The following DCC variants were observed in gnomAD, a reference collection of about 807,000 sequenced individuals.
The protein encoded by DCC is netrin receptor DCC.
A neutral mutation model predicts 172.5 loss-of-function variants in DCC; 58 were observed. The ratio of observed to expected loss-of-function variants is 0.34; its 90% CI spans 0.27 to 0.42. The LOEUF is 0.42. Among genes scored for constraint, DCC ranks in the 10% least tolerant of loss-of-function variants. DCC has a pLI of 1.00. For synonymous variants in DCC, 709 were observed against 644.5 expected (o/e 1.10, Z -1.52); for missense variants, 1,740 against 1,791.0 (o/e 0.97, Z 0.51).
chr18:52,567,446 T>C (rs997325447), intron 1 of DCC, among the ~76,000 whole-genome samples: 3 of 152,118 alleles, frequency 2.0e-5, no homozygotes, highest in African/African-American at 7.2e-5. Context: ...GCTGACATCC[T>C]GGCTCCATCA....
At chr18:52,824,528 CATT>C (rs766502978) in intron 2 of DCC, among the ~76,000 whole-genome samples, 9 of 151,808 alleles carry the variant, frequency 5.9e-5, no homozygotes, top group Non-Finnish European at 1.2e-4. Flanking sequence ...ACTTAAAAAT[CATT>C]AATTTCAAAA....
intron 1 of DCC, among the ~76,000 whole-genome samples, chr18:52,633,133 G>A (rs1342039866): frequency 6.6e-6 from 1 of 150,682 alleles, no homozygotes; most frequent in Non-Finnish European, 1.5e-5. Context: ...TTCCTGTCCT[G>A]TCCTGTCCTG....
chr18:53,278,002 C>T (rs7229129), intron 12 of DCC, among the ~76,000 whole-genome samples: 50,899 of 152,012 alleles, frequency 0.33, 10,107 homozygotes, highest in South Asian at 0.57. Context: ...GTATTCTGTT[C>T]ACACACAGAT....
At chr18:52,479,972 C>T (rs184926621) in intron 1 of DCC, among the ~76,000 whole-genome samples, 35 of 152,162 alleles carry the variant, frequency 2.3e-4, no homozygotes, top group African/African-American at 7.5e-4. Context: ...TAAGTAAATG[C>T]TAACATTTAT....
intron 1 of DCC, among the ~76,000 whole-genome samples, chr18:52,426,136 C>A (rs1987416493): frequency 6.6e-6 from 1 of 152,020 alleles, no homozygotes; most frequent in African/African-American, 2.4e-5. Context: ...AAACAGCTTT[C>A]AACAAGCAGC....
chr18:52,481,120 T>C (rs1241695365), intron 1 of DCC, among the ~76,000 whole-genome samples: 3 of 152,164 alleles, frequency 2.0e-5, no homozygotes, highest in African/African-American at 4.8e-5. Flanking sequence ...AAAGCAAACA[T>C]ACTTATTGAG....
chr18:52,728,165 T>C (rs186059551), intron 1 of DCC, among the ~76,000 whole-genome samples: 7 of 148,166 alleles, frequency 4.7e-5, no homozygotes, highest in East Asian at 4.1e-4. Flanking sequence ...ATTATGATTG[T>C]GGGCCCCGTC....
At chr18:52,872,971 G>C (rs534021110) in intron 2 of DCC, among the ~76,000 whole-genome samples, 2 of 152,070 alleles carry the variant, frequency 1.3e-5, no homozygotes, top group Non-Finnish European at 2.9e-5. Flanking sequence ...ATGAAAAAAG[G>C]CTTTTAGAAA....
intron 8 of DCC, among the ~76,000 whole-genome samples, chr18:53,174,786 A>G (rs1485598523): frequency 6.0e-5 from 9 of 151,160 alleles, no homozygotes; most frequent in Non-Finnish European, 1.0e-4. Context: ...AAACTATTCC[A>G]ATCAATAGAA....
intron 1 of DCC, among the ~76,000 whole-genome samples, chr18:52,585,392 A>G (rs529377725): frequency 1.4e-4 from 22 of 152,364 alleles, no homozygotes; most frequent in African/African-American, 5.0e-4. Flanking sequence ...ACTCACATAC[A>G]TAAGACAGAT....
chr18:53,198,242 T>C (rs578016174), intron 9 of DCC, among the ~76,000 whole-genome samples: 2 of 152,248 alleles, frequency 1.3e-5, no homozygotes, highest in East Asian at 3.9e-4. Flanking sequence ...TCAGATACAA[T>C]GATAGAAGCT....
intron 1 of DCC, among the ~76,000 whole-genome samples, chr18:52,423,708 T>C (rs1181084643): frequency 6.6e-6 from 1 of 152,162 alleles, no homozygotes; most frequent in Non-Finnish European, 1.5e-5. Context: ...TTGTGGTTTA[T>C]GGCATTGATG....
intron 13 of DCC, among the ~76,000 whole-genome samples, chr18:53,314,183 G>A (rs2057317574): frequency 6.6e-6 from 1 of 152,010 alleles, no homozygotes; most frequent in South Asian, 2.1e-4. Flanking sequence ...ATAGAAGCAG[G>A]GCCACCTGAA....
At chr18:53,470,196 G>T (rs561877385) in intron 25 of DCC, among the ~76,000 whole-genome samples, 1 of 151,980 alleles carries the variant, frequency 6.6e-6, no homozygotes, top group African/African-American at 2.4e-5. Context: ...TTAAAATGCT[G>T]ATGAATCCTG....
At chr18:53,292,652 G>GT (rs1208016641) in intron 12 of DCC, among the ~76,000 whole-genome samples, 2 of 152,204 alleles carry the variant, frequency 1.3e-5, no homozygotes. Context: ...TCGTGCCACT[G>GT]CACTCCAGCC....
intron 22 of DCC, among the ~76,000 whole-genome samples, chr18:53,449,370 T>C (rs913915308): frequency 6.6e-6 from 1 of 152,224 alleles, no homozygotes; most frequent in Non-Finnish European, 1.5e-5. Flanking sequence ...AGCAAGTAAC[T>C]CATCACAGAT....
chr18:52,785,365 T>G (rs2037636227), intron 2 of DCC, among the ~76,000 whole-genome samples: 1 of 152,054 alleles, frequency 6.6e-6, no homozygotes, highest in Admixed American at 6.6e-5. Flanking sequence ...TGGGGCTGCT[T>G]TTCATTAAAG....
chr18:52,498,660 A>G (rs185447002), intron 1 of DCC, among the ~76,000 whole-genome samples: 4 of 152,080 alleles, frequency 2.6e-5, no homozygotes, highest in Admixed American at 2.6e-4. Context: ...AAATAAAATA[A>G]TGAATATATA....
chr18:52,407,581 A>G (rs1240668227), intron 1 of DCC, among the ~76,000 whole-genome samples: 3 of 151,842 alleles, frequency 2.0e-5, no homozygotes, highest in Non-Finnish European at 4.4e-5. Context: ...TTCTATTTCA[A>G]TTAGATTGAA....
Sources: allele counts gnomAD v4.1 joint callset (sites outside exome capture counted in the v4.1 genomes callset), GRCh38; gene constraint gnomAD v4.1.1; transcripts MANE v1.5; gene names NCBI Gene and HGNC (gene_info 2026-07-23, HGNC 2026-07-21).